ARMCX4: variants seen among roughly 807,000 people sequenced by gnomAD.
ARMCX4 encodes armadillo repeat containing X-linked 4.
A neutral mutation model predicts 34.7 loss-of-function variants in ARMCX4; 3 were observed. That is an observed-to-expected ratio of 0.09 (90% CI 0.04 to 0.22). ARMCX4 has a LOEUF of 0.22. ARMCX4 is among the 10% of genes least tolerant of loss of function. The pLI, the probability that ARMCX4 is intolerant of heterozygous loss-of-function variation, is 1.00. For missense variants in ARMCX4, 1,448 were observed against 1,720.8 expected (o/e 0.84, Z 2.81); for synonymous variants, 513 against 632.8 (o/e 0.81, Z 2.84).
rs1036428639 is a variant in ARMCX4 at position 101,522,187 on chromosome X, G to A, written c.*1781-9457G>A. On this transcript the variant is annotated intron_variant and NMD_transcript_variant, in intron 11 of 12. Transcript: ENST00000354842. ...ATGTATTTTGGGGATTTGTCATGAA[G>A]TACATATATGTTTATAATTGTTATA... 1.1e-4 allele frequency among the ~76,000 whole-genome samples: 12 copies of A among 111,570 alleles called. No homozygotes were observed. In the Admixed American group the frequency reaches 1.1e-3, roughly 11 times the overall value.
chrX:101,440,923 G>A (rs371350840), intron 2 of ARMCX4, among the ~76,000 whole-genome samples: 1 of 111,144 alleles, frequency 9.0e-6, no homozygotes, highest in African/African-American at 3.3e-5. Flanking sequence ...TGTACTTCCC[G>A]GGTGAGGCGA....
intron 2 of ARMCX4, among the ~76,000 whole-genome samples, chrX:101,432,933 T>TAC (rs781794783): frequency 9.0e-5 from 8 of 89,237 alleles, no homozygotes; most frequent in Non-Finnish European, 1.8e-4. Context: ...CGTATATATA[T>TAC]ACGTGTATAT....
At chrX:101,421,602 T>A (rs1270529902) in intron 2 of ARMCX4, among the ~76,000 whole-genome samples, 7 of 111,537 alleles carry the variant, frequency 6.3e-5, no homozygotes, top group Non-Finnish European at 1.1e-4. Flanking sequence ...GCAGGTTTGG[T>A]GTCTGGTGAG....
intron 2 of ARMCX4, among the ~76,000 whole-genome samples, chrX:101,425,882 A>G (rs1929590101): frequency 9.0e-6 from 1 of 110,977 alleles, no homozygotes; most frequent in Non-Finnish European, 1.9e-5. Context: ...GTGCAGTGGC[A>G]CAATCACAGC....
At chrX:101,515,402 C>T (rs1934704232) in intron 11 of ARMCX4, among the ~76,000 whole-genome samples, 1 of 872 alleles carries the variant, frequency 1.1e-3, no homozygotes, top group Non-Finnish European at 1.7e-3. Flanking sequence ...TCCCTCCCTC[C>T]CTCCCTCCCT....
downstream of ARMCX4, among the ~76,000 whole-genome samples, chrX:101,500,660 A>G (rs1468697598): frequency 8.9e-6 from 1 of 112,055 alleles, no homozygotes; most frequent in Non-Finnish European, 1.9e-5. Flanking sequence ...GGCCTTAAGT[A>G]CCTAGTTTTT....
At chrX:101,497,300 G>A (rs1364773672), downstream of ARMCX4, among the ~76,000 whole-genome samples, 1 of 109,635 alleles carries the variant, frequency 9.1e-6, no homozygotes, top group Non-Finnish European at 1.9e-5. Context: ...ACAATGGCAC[G>A]GTCTGGGCTC....
At position 101,503,904 on chromosome X, in the gene ARMCX4, G is replaced by T. The variant is rs1229483957; in HGVS notation, c.*1178-1033G>T. Among the ~76,000 whole-genome samples the T allele has an allele frequency of 2.7e-3, 301 of 111,187 alleles. 1 individual carries two copies. Among genetic ancestry groups the T allele is most frequent in the African/African-American group, 9.4e-3 (287 of 30,514 alleles). On this transcript the variant is annotated intron_variant and NMD_transcript_variant, in intron 7 of 12. Coordinates refer to the ARMCX4 transcript ENST00000354842. ...GGTAATGCCTAGGTTTTCTTCTAGG[G>T]TTTTTATGGTTTTAGGTCTAATATT...
chrX:101,488,201 C>T, intron 5 of ARMCX4, 102 bp downstream of exon 5: 1 of 348,893 alleles, frequency 2.9e-6, no homozygotes, highest in Non-Finnish European at 4.8e-6. Flanking sequence ...GTCAGACCTC[C>T]TACCATCCTT....
In ARMCX4 at chrX:101,491,351, T is replaced by C. The variant is rs1433435882; in HGVS notation, c.2762T>C (p.Leu921Ser). ...GTGGCCAACTCCCAGCGTGAGACCT[T>C]GCCTGGTGCCAGGAATAAGGTCAAG... Reference protein sequence around the residue: ...QVVANSQRETLPGARNKVKGN... With the variant: ...QVVANSQRETSPGARNKVKGN... Residue 921 changes from leucine (L) to serine (S), a missense_variant, in exon 6 of 6, where the codon TTG (leucine) becomes TCG (serine). Leu to Ser is a moderately radical substitution (Grantham distance 145). Around this residue, in one of 2 missense-constraint regions of ARMCX4, gnomAD observed 1,343 missense variants for 1,540.7 expected, o/e 0.87. Transcript: ENST00000423738. 8.7e-6 allele frequency: 10 copies of C among 1,156,053 alleles called. No homozygotes were observed. The African/African-American group carries it at 1.8e-4, about 21-fold the overall frequency.
At chrX:101,449,186 G>A (rs1254784903), downstream of ARMCX4, among the ~76,000 whole-genome samples, 3 of 112,125 alleles carry the variant, frequency 2.7e-5, no homozygotes, top group Non-Finnish European at 5.6e-5. Context: ...GATTACAGGC[G>A]TGAGCCACCT....
intron 2 of ARMCX4, among the ~76,000 whole-genome samples, chrX:101,437,245 G>A (rs1250907322): frequency 9.0e-6 from 1 of 111,708 alleles, no homozygotes; most frequent in East Asian, 2.8e-4. Context: ...TGTACCTCTG[G>A]CAGAATTTGG....
At chrX:101,481,275 A>T (rs1933437944), upstream of ARMCX4, among the ~76,000 whole-genome samples, 1 of 112,502 alleles carries the variant, frequency 8.9e-6, no homozygotes, top group Non-Finnish European at 1.9e-5. Flanking sequence ...TAAAATCTGT[A>T]CTTCAAGTAC....
intron 4 of ARMCX4, among the ~76,000 whole-genome samples, chrX:101,460,879 G>A (rs1308395857): frequency 2.7e-5 from 3 of 111,103 alleles, no homozygotes; most frequent in Non-Finnish European, 3.8e-5. Flanking sequence ...TCATGCACTT[G>A]CATAATCCCT....
chrX:101,502,907 G>T (rs1556014090), intron 7 of ARMCX4, among the ~76,000 whole-genome samples: 1 of 101,028 alleles, frequency 9.9e-6, no homozygotes. Flanking sequence ...TTAACATTAG[G>T]TATAACTCCT....
intron 4 of ARMCX4, among the ~76,000 whole-genome samples, chrX:101,460,398 C>T (rs781857031): frequency 2.7e-5 from 3 of 112,447 alleles, no homozygotes; most frequent in Non-Finnish European, 5.6e-5. Context: ...TGGGATCTCC[C>T]TTGATCTTAG....
intron 11 of ARMCX4, among the ~76,000 whole-genome samples, chrX:101,514,409 T>G (rs1044217243): frequency 9.8e-5 from 11 of 111,734 alleles, no homozygotes; most frequent in African/African-American, 3.6e-4. Context: ...TGTAAGAAAT[T>G]GTTACCTACC....
At chrX:101,458,674 A>G (rs1932453154) in intron 4 of ARMCX4, among the ~76,000 whole-genome samples, 1 of 109,966 alleles carries the variant, frequency 9.1e-6, no homozygotes, top group African/African-American at 3.3e-5. Context: ...TTTAGTAGAG[A>G]TGGGATTTTA....
chrX:101,486,520 C>T, intron 2 of ARMCX4, among the ~76,000 whole-genome samples: 1 of 110,063 alleles, frequency 9.1e-6, no homozygotes, highest in Non-Finnish European at 1.9e-5. Context: ...TCTGGGGTCT[C>T]CCATCTCTCC....
Sources: allele counts gnomAD v4.1 joint callset (sites outside exome capture counted in the v4.1 genomes callset), GRCh38; gene constraint gnomAD v4.1.1; regional missense constraint gnomAD v4.1.1; transcripts MANE v1.5; gene names NCBI Gene and HGNC (gene_info 2026-07-23, HGNC 2026-07-21).